GPR89B: variants seen among roughly 807,000 people sequenced by gnomAD.
GPR89B encodes the protein G protein-coupled receptor 89B.
Under a neutral mutation model 52.4 loss-of-function variants are expected in GPR89B, and 25 were observed. The observed-to-expected ratio is 0.48, with a 90% confidence interval of 0.35 to 0.67. GPR89B has a LOEUF of 0.67. GPR89B is among the 30% of genes least tolerant of loss of function. The probability of loss-of-function intolerance (pLI) is 0.01; values close to 1 mark genes in which losing one functional copy is unlikely to be tolerated. For synonymous variants in GPR89B, 52 were observed against 151.2 expected (o/e 0.34, Z 4.81); for missense variants, 146 against 450.2 (o/e 0.32, Z 6.11).
Position 147,991,074 on chromosome 1 carries a change from C to G in GPR89B, c.1096-1428C>G, listed in dbSNP as rs1337077767. On this transcript the variant is annotated intron_variant, in intron 12 of 13. Coordinates refer to ENST00000314163, the MANE Select transcript of GPR89B (RefSeq NM_016334.5). ...TTTTCATGATATTGATTCTTCCTAT[C>G]CATGAACATGGAATGTTCTTCCATG... Among the ~76,000 whole-genome samples the G allele has an allele frequency of 1.3e-5, 2 of 150,694 alleles. 1 individual carries two copies. Among genetic ancestry groups the G allele is most frequent in the Non-Finnish European group, 2.9e-5 (2 of 67,824 alleles).
At chr1:147,977,504 C>A (rs1228529899) in intron 10 of GPR89B, among the ~76,000 whole-genome samples, 136 of 152,052 alleles carry the variant, frequency 8.9e-4, no homozygotes, top group Middle Eastern at 3.4e-3. Flanking sequence ...GCCTGTCTTG[C>A]TAGCTTGAAG....
chr1:147,961,583 T>C (rs1442367629), intron 7 of GPR89B, among the ~76,000 whole-genome samples: 2 of 152,160 alleles, frequency 1.3e-5, no homozygotes, highest in Admixed American at 6.5e-5. Flanking sequence ...AGCGAGAGGA[T>C]TGTTTGAGCC....
chr1:147,990,385 C>T (rs1658971414), intron 12 of GPR89B, among the ~76,000 whole-genome samples: 4 of 152,190 alleles, frequency 2.6e-5, no homozygotes, highest in East Asian at 3.9e-4. Flanking sequence ...AAATTTTCTC[C>T]CATTCTGTAG....
chr1:147,944,240 G>GA, intron 5 of GPR89B, 142 bp downstream of exon 5: 1 of 614,958 alleles, frequency 1.6e-6, no homozygotes, highest in Non-Finnish European at 2.7e-6. Context: ...TTGGGATTTG[G>GA]AAAAAAATTT....
intron 7 of GPR89B, among the ~76,000 whole-genome samples, chr1:147,962,296 C>T (rs1185761217): frequency 2.0e-5 from 3 of 151,384 alleles, no homozygotes; most frequent in African/African-American, 4.9e-5. Flanking sequence ...TGGTGGCATG[C>T]GCCTGTAGTC....
At chr1:147,982,041 T>C (rs1658293975) in intron 10 of GPR89B, among the ~76,000 whole-genome samples, 1 of 151,722 alleles carries the variant, frequency 6.6e-6, no homozygotes. Flanking sequence ...GCTAAGTATA[T>C]GTTTAACCTT....
intron 5 of GPR89B, among the ~76,000 whole-genome samples, chr1:147,951,690 T>G (rs1553251090): frequency 5.9e-4 from 90 of 151,830 alleles, no homozygotes; most frequent in African/African-American, 1.6e-3. Context: ...TATGGTGACT[T>G]CTAGTTCCAA....
At chr1:147,991,851 G>A (rs1659093766) in intron 12 of GPR89B, among the ~76,000 whole-genome samples, 1 of 151,946 alleles carries the variant, frequency 6.6e-6, no homozygotes, top group Non-Finnish European at 1.5e-5. Flanking sequence ...CAGTTTGCCA[G>A]TATTTTATTG....
At chr1:147,968,597 C>T (rs1369759462) in intron 8 of GPR89B, 1 of 535,754 alleles carries the variant, frequency 1.9e-6, no homozygotes, top group Non-Finnish European at 3.4e-6. Flanking sequence ...CTAGATAAAT[C>T]AAAAAACAAA....
intron 2 of GPR89B, 45 bp downstream of exon 2, chr1:147,936,731 A>G (rs1189024044): frequency 6.5e-7 from 1 of 1,542,538 alleles, no homozygotes; most frequent in East Asian, 2.3e-5. Flanking sequence ...ATGAATTTAG[A>G]TTGACAAGAA....
At chr1:147,949,525 G>A (rs1553250469) in intron 5 of GPR89B, among the ~76,000 whole-genome samples, 1 of 127,226 alleles carries the variant, frequency 7.9e-6, no homozygotes, top group Non-Finnish European at 1.6e-5. Flanking sequence ...GGGCGGCCGG[G>A]CAGAGGCGCC....
chr1:147,976,524 GAGC>G (rs1657833307), intron 10 of GPR89B, among the ~76,000 whole-genome samples: 77 of 141,318 alleles, frequency 5.4e-4, no homozygotes, highest in African/African-American at 2.0e-3. Flanking sequence ...CCTTTATTTT[GAGC>G]CTATGTGTGT....
the GPR89B span, among the ~76,000 whole-genome samples, chr1:148,012,462 C>T: frequency 1.3e-5 from 2 of 151,664 alleles, no homozygotes; most frequent in South Asian, 4.2e-4. Context: ...GCTGCTTCCT[C>T]CCTATTCAGT....
the GPR89B span, chr1:148,025,778 C>CA: frequency 4.2e-5 from 6 of 143,550 alleles, no homozygotes; most frequent in Non-Finnish European, 9.0e-5. Context: ...TCCACACAGG[C>CA]ACAGAGGAAA....
the GPR89B span, among the ~76,000 whole-genome samples, chr1:148,013,025 C>G: frequency 6.6e-6 from 1 of 152,050 alleles, no homozygotes; most frequent in Non-Finnish European, 1.5e-5. Context: ...ATAGACAATA[C>G]TGATGATTCA....
downstream of GPR89B, among the ~76,000 whole-genome samples, chr1:147,998,579 T>C (rs1402656208): frequency 1.3e-5 from 2 of 152,056 alleles, no homozygotes; most frequent in African/African-American, 4.8e-5. Flanking sequence ...GCAATAACAT[T>C]TAAAACACTT....
At chr1:147,934,306 A>T (rs1553247528) in intron 1 of GPR89B, among the ~76,000 whole-genome samples, 1 of 152,014 alleles carries the variant, frequency 6.6e-6, no homozygotes, top group Non-Finnish European at 1.5e-5. Flanking sequence ...CCTCCCCATA[A>T]GCTGGAACTA....
intron 3 of GPR89B, among the ~76,000 whole-genome samples, chr1:147,939,805 C>T (rs1197833845): frequency 2.0e-5 from 3 of 151,278 alleles, no homozygotes; most frequent in Non-Finnish European, 2.9e-5. Context: ...CAAGACGAGC[C>T]TGGGCAACAA....
At chr1:147,997,226 G>T (rs1659336285), downstream of GPR89B, among the ~76,000 whole-genome samples, 1 of 152,116 alleles carries the variant, frequency 6.6e-6, no homozygotes, top group African/African-American at 2.4e-5. Context: ...CAAGACACTT[G>T]TGATAGTTAA....
Sources: gnomAD v4.1 joint callset for allele counts (sites outside exome capture counted in the v4.1 genomes callset) on GRCh38, gnomAD v4.1.1 for gene constraint, MANE v1.5 for transcripts, NCBI Gene and HGNC (gene_info 2026-07-23, HGNC 2026-07-21) for gene names.